Variants in PDE4B observed in about 807,000 individuals in gnomAD.
PDE4B encodes the protein phosphodiesterase 4B.
In PDE4B, 20 loss-of-function variants were observed where a neutral mutation model predicts 82.2. The ratio of observed to expected loss-of-function variants is 0.24; its 90% CI spans 0.17 to 0.35. The LOEUF (loss-of-function observed/expected upper bound fraction) is 0.35, where lower values mean the gene tolerates loss of function less well. PDE4B is among the 10% of genes least tolerant of loss of function. The pLI is 1.00. For missense variants in PDE4B, 655 were observed against 907.2 expected, an observed-to-expected ratio of 0.72 and a Z score of 3.57; for synonymous variants, 320 against 318.9, an observed-to-expected ratio of 1.00 and a Z score of -0.04.
intron 1 of PDE4B, among the ~76,000 whole-genome samples, chr1:65,806,550 A>T (rs1425081099): frequency 6.6e-6 from 1 of 152,224 alleles, no homozygotes; most frequent in Non-Finnish European, 1.5e-5. Flanking sequence ...TCACATTTGA[A>T]TCCGTCTCTT....
intron 12 of PDE4B, 56 bp downstream of exon 12, chr1:66,363,627 A>G: frequency 7.0e-7 from 1 of 1,426,362 alleles, no homozygotes. Flanking sequence ...AAAATGCCAT[A>G]TCAGCTGGAT....
intron 3 of PDE4B, among the ~76,000 whole-genome samples, chr1:65,980,570 G>T (rs536007862): frequency 1.3e-5 from 2 of 152,150 alleles, no homozygotes; most frequent in African/African-American, 4.8e-5. Context: ...ATTCTCATTT[G>T]TGTTCTCAAT....
At chr1:66,165,866 C>CT (rs1035068370) in intron 3 of PDE4B, among the ~76,000 whole-genome samples, 52 of 150,330 alleles carry the variant, frequency 3.5e-4, no homozygotes, top group Non-Finnish European at 5.9e-4. Flanking sequence ...CAGTTGCTTT[C>CT]TTTTTTTTGG....
chr1:65,848,316 T>G (rs1571010948), intron 1 of PDE4B, among the ~76,000 whole-genome samples: 1 of 152,072 alleles, frequency 6.6e-6, no homozygotes, highest in African/African-American at 2.4e-5. Context: ...TTTTTGTGTG[T>G]GTGTGTTTTA....
At chr1:65,872,149 A>G (rs1937462) in intron 1 of PDE4B, among the ~76,000 whole-genome samples, 96,296 of 151,924 alleles carry the variant, frequency 0.63, 31,237 homozygotes, top group African/African-American at 0.76. Flanking sequence ...CCCCAAATTT[A>G]TGTGTGCAGA....
At chr1:66,214,543 G>A (rs1650306914) in intron 3 of PDE4B, among the ~76,000 whole-genome samples, 1 of 152,120 alleles carries the variant, frequency 6.6e-6, no homozygotes, top group African/African-American at 2.4e-5. Flanking sequence ...TCAGAAGTAT[G>A]TGTTGAAATC....
At chr1:66,004,477 A>T (rs1380562543) in intron 3 of PDE4B, among the ~76,000 whole-genome samples, 1 of 152,116 alleles carries the variant, frequency 6.6e-6, no homozygotes, top group East Asian at 1.9e-4. Context: ...TATGGTGTGT[A>T]ATCACTCTCA....
At chr1:66,337,302 G>A (rs1285479533) in intron 8 of PDE4B, among the ~76,000 whole-genome samples, 11 of 152,178 alleles carry the variant, frequency 7.2e-5, no homozygotes, top group Admixed American at 2.0e-4. Context: ...GGAGTTGGCC[G>A]GGCCAAGGGA....
At chr1:65,842,211 A>G (rs1646214929) in intron 1 of PDE4B, among the ~76,000 whole-genome samples, 1 of 152,214 alleles carries the variant, frequency 6.6e-6, no homozygotes, top group Admixed American at 6.6e-5. Flanking sequence ...GACTTGCCAG[A>G]CACAAAAAAA....
chr1:65,930,686 A>G (rs1208511473), intron 3 of PDE4B, among the ~76,000 whole-genome samples: 1 of 152,230 alleles, frequency 6.6e-6, no homozygotes, highest in Non-Finnish European at 1.5e-5. Context: ...CTCTTTTGGA[A>G]TGGAAGTATT....
chr1:66,216,637 C>T (rs1650487237), intron 3 of PDE4B, among the ~76,000 whole-genome samples: 1 of 152,140 alleles, frequency 6.6e-6, no homozygotes, highest in African/African-American at 2.4e-5. Flanking sequence ...TGAGACTGCT[C>T]TCTTAAGACA....
At chr1:66,093,057 T>C (rs1645054354) in intron 3 of PDE4B, among the ~76,000 whole-genome samples, 1 of 152,042 alleles carries the variant, frequency 6.6e-6, no homozygotes, top group Non-Finnish European at 1.5e-5. Context: ...GGTGAAAGTT[T>C]AATTCTGAAG....
intron 7 of PDE4B, chr1:66,331,633 C>A: frequency 2.5e-6 from 1 of 398,952 alleles, no homozygotes; most frequent in Non-Finnish European, 3.4e-6. Flanking sequence ...CAAATTGGAG[C>A]CCCCAGCTTT....
intron 3 of PDE4B, among the ~76,000 whole-genome samples, chr1:65,920,349 A>G (rs1421702806): frequency 6.6e-6 from 1 of 152,194 alleles, no homozygotes; most frequent in Non-Finnish European, 1.5e-5. Context: ...GAAGACTGGC[A>G]CAGAGGAATC....
intron 1 of PDE4B, among the ~76,000 whole-genome samples, chr1:65,877,609 T>G (rs1449119550): frequency 6.7e-6 from 1 of 148,710 alleles, no homozygotes; most frequent in African/African-American, 2.5e-5. Context: ...AGCAAGACTC[T>G]GTCTAAAAAA....
At chr1:65,982,159 A>C (rs549157573) in intron 3 of PDE4B, among the ~76,000 whole-genome samples, 59 of 152,368 alleles carry the variant, frequency 3.9e-4, no homozygotes, top group Non-Finnish European at 7.1e-4. Flanking sequence ...GAAGTTTCAG[A>C]CAGAAATAAG....
intron 3 of PDE4B, among the ~76,000 whole-genome samples, chr1:65,945,263 G>A (rs547920449): frequency 6.6e-6 from 1 of 152,084 alleles, no homozygotes; most frequent in South Asian, 2.1e-4. Context: ...GCAGCTTCTG[G>A]ATGGTGTGGT....
chr1:65,870,954 T>C (rs1185809573), intron 1 of PDE4B, among the ~76,000 whole-genome samples: 1 of 152,098 alleles, frequency 6.6e-6, no homozygotes, highest in African/African-American at 2.4e-5. Flanking sequence ...AAATTACAAG[T>C]GCCAAAATTA....
chr1:66,337,533 G>A (rs1660623022), intron 8 of PDE4B, among the ~76,000 whole-genome samples: 1 of 152,218 alleles, frequency 6.6e-6, no homozygotes, highest in East Asian at 1.9e-4. Flanking sequence ...CTGCGGTCCA[G>A]GGCTCACGAC....
Sources: gnomAD v4.1 joint callset for allele counts (sites outside exome capture counted in the v4.1 genomes callset) on GRCh38, gnomAD v4.1.1 for gene constraint, MANE v1.5 for transcripts, NCBI Gene and HGNC (gene_info 2026-07-23, HGNC 2026-07-21) for gene names.